Variants in C5 observed in about 807,000 individuals in gnomAD.
C5 encodes complement C5, also known as C3 and PZP-like alpha-2-macroglobulin domain-containing protein 4.
In C5, 140 loss-of-function variants were observed where a neutral mutation model predicts 218.8. The observed-to-expected ratio is 0.64, with a 90% CI of 0.56 to 0.74. C5 has a LOEUF of 0.74. C5 is among the 30% of genes least tolerant of loss of function. C5 has a pLI of 0.00. For missense variants in C5, 1,700 were observed against 1,969.6 expected, an observed-to-expected ratio of 0.86 and a Z score of 2.59; for synonymous variants, 614 against 682.3, an observed-to-expected ratio of 0.90 and a Z score of 1.56.
intron 20 of C5, chr9:121,000,050 CT>C: frequency 8.4e-6 from 2 of 236,884 alleles, no homozygotes; most frequent in Non-Finnish European, 1.6e-5. Flanking sequence ...CAGGGCGAGA[CT>C]CTGTCTCAAA....
In C5 at chr9:121,002,230, G is replaced by A. The variant is rs12554129; in HGVS notation, c.2562+3689C>T. Among the ~76,000 whole-genome samples the A allele has an allele frequency of 5.3e-4, 25 of 47,226 alleles. 1 individual carries two copies. The highest frequency in any genetic ancestry group is 1.3e-3 in the East Asian group (1 of 758). 31.0% of individuals were successfully genotyped at this position (47,226 alleles called of 152,430 possible). A position where few individuals can be genotyped will look rare whatever the true frequency, so the allele number is the denominator to read the frequency against. On this transcript the variant is annotated intron_variant, in intron 20 of 40. Transcript: ENST00000223642. ...TGTATATATACGTATATATATATAT[G>A]TATATATGTATATGTATATATATGT...
In C5 at chr9:121,014,090, A is replaced by G; in HGVS notation, c.2060-20T>C. The stretch of plus-strand genomic sequence containing the variant: ...TAGCAGCTGAAATGGTAATAATGCA[A>G]GTGCTCTTGATGACGCAGAGTGATA... On this transcript the variant is annotated intron_variant, in intron 16 of 40. Transcript: ENST00000223642. The G allele has an allele frequency of 6.2e-7, 1 of 1,603,788 alleles. No individual in the cohort carries two copies. Among genetic ancestry groups the G allele is most frequent in the Non-Finnish European group, 8.5e-7 (1 of 1,170,724 alleles).
chr9:120,955,119 C>G (rs1272819399), intron 39 of C5, among the ~76,000 whole-genome samples: 1 of 152,202 alleles, frequency 6.6e-6, no homozygotes, highest in Non-Finnish European at 1.5e-5. Flanking sequence ...TCCTTATCCT[C>G]AAACTACAGT....
chr9:120,953,938 T>A, intron 39 of C5, 70 bp from the exon 40 acceptor site: 1 of 1,551,500 alleles, frequency 6.4e-7, no homozygotes, highest in Non-Finnish European at 8.9e-7. Flanking sequence ...AACTCTCAAG[T>A]TTTCTGGTTC....
At chr9:120,995,436 A>G (rs981433372) in intron 22 of C5, among the ~76,000 whole-genome samples, 3 of 152,216 alleles carry the variant, frequency 2.0e-5, no homozygotes, top group African/African-American at 7.2e-5. Flanking sequence ...GCCTTGATTA[A>G]GTACTCAAAT....
At chr9:120,971,693 TC>T (rs1461743033) in intron 31 of C5, among the ~76,000 whole-genome samples, 1 of 152,182 alleles carries the variant, frequency 6.6e-6, no homozygotes, top group East Asian at 1.9e-4. Flanking sequence ...CGCCTAGGCC[TC>T]CCAAAGTGCT....
chr9:120,952,613 C>G lies in C5; in HGVS notation c.*126G>C, dbSNP rs2046752379. The G allele has an allele frequency of 1.1e-6, 1 of 929,930 alleles. No individual in the cohort carries two copies. 57.6% of individuals were successfully genotyped at this position (929,930 alleles called of 1,614,324 possible). ...CTAATAAAAGCAAGTGCCACTAATT[C>G]TAAGTAAAGTGAGCTTTACAAATAA... On this transcript the variant is annotated 3_prime_UTR_variant, in exon 41 of 41. Transcript: ENST00000223642.
chr9:120,997,032 CT>C (rs2047122749), intron 21 of C5, among the ~76,000 whole-genome samples: 1 of 151,928 alleles, frequency 6.6e-6, no homozygotes, highest in Non-Finnish European at 1.5e-5. Flanking sequence ...TACTTTTCTT[CT>C]TTTTTGGGAC....
At chr9:120,957,403 T>C (rs539870230) in intron 38 of C5, 35 bp from the exon 39 acceptor site, 1 of 1,484,310 alleles carries the variant, frequency 6.7e-7, no homozygotes, top group East Asian at 2.3e-5. Flanking sequence ...AACAATTCAG[T>C]CTTAATACTA....
intron 40 of C5, among the ~76,000 whole-genome samples, chr9:120,953,218 C>T (rs2075049): frequency 0.44 from 67,528 of 151,998 alleles, 17,821 homozygotes; most frequent in South Asian, 0.69. Context: ...GCCACCGTGC[C>T]CAGCCTGATT....
rs535154384 is a variant in C5, at chr9:120,962,989, C to T, written c.4324-22G>A. On this transcript the variant is annotated intron_variant, in intron 34 of 40. Transcript: ENST00000223642. The stretch of plus-strand genomic sequence containing the variant: ...CAAGCTAAGGGGGAAAAGAGAGAAG[C>T]TTGAATTTCATTTCATTATCTTTTT... The T allele has an allele frequency of 3.2e-6, 5 of 1,574,856 alleles. No individual in the cohort carries two copies. The East Asian group carries it at 9.0e-5, about 28-fold the overall frequency.
the C5 span, among the ~76,000 whole-genome samples, chr9:121,070,495 G>A: frequency 8.2e-5 from 12 of 147,176 alleles, no homozygotes; most frequent in Admixed American, 2.7e-4. Context: ...GTGTGTGTGC[G>A]TATTCATATA....
rs2047410595 is a variant in C5 at position 121,025,366 on chromosome 9, G to A, written c.1000+88C>T. The A allele has an allele frequency of 3.9e-6, 5 of 1,291,506 alleles. No homozygotes were observed. In the Admixed American group the frequency reaches 1.5e-4, roughly 39 times the overall value. 80.0% of individuals were successfully genotyped at this position (1,291,506 alleles called of 1,614,324 possible). A position where few individuals can be genotyped will look rare whatever the true frequency, so the allele number is the denominator to read the frequency against. On this transcript the variant is annotated intron_variant, in intron 9 of 40. Coordinates refer to ENST00000223642, the MANE Select transcript of C5 (RefSeq NM_001735.3). ...ACAATGTGAAATAATTATAGAAATTGGAAATTATTTATATCTTTAATATTC... is the reference window on the plus strand; with the variant it reads ...ACAATGTGAAATAATTATAGAAATTAGAAATTATTTATATCTTTAATATTC...
intron 28 of C5, among the ~76,000 whole-genome samples, chr9:120,977,496 C>T (rs1173648969): frequency 2.0e-5 from 3 of 152,040 alleles, no homozygotes; most frequent in Non-Finnish European, 4.4e-5. Flanking sequence ...CTTGCTGGCA[C>T]CCAGGCTGGA....
upstream of C5, among the ~76,000 whole-genome samples, chr9:121,050,601 G>C (rs41307964): frequency 4.6e-3 from 704 of 152,284 alleles, 4 homozygotes; most frequent in African/African-American, 0.016. Context: ...TGCATCATCT[G>C]CAAGCATACA....
the C5 span, among the ~76,000 whole-genome samples, chr9:121,055,634 A>C: frequency 6.6e-6 from 1 of 152,218 alleles, no homozygotes; most frequent in African/African-American, 2.4e-5. Context: ...CCTGGGTCAG[A>C]AGGGAATCCA....
Position 120,952,659 on chromosome 9 carries a change from A to T in C5, c.*80T>A. The T allele has an allele frequency of 6.8e-7, 1 of 1,465,984 alleles. No homozygotes were observed. The highest frequency in any genetic ancestry group is 9.5e-7 in the Non-Finnish European group (1 of 1,056,140). 90.8% of individuals were successfully genotyped at this position (1,465,984 alleles called of 1,614,324 possible). ...AATAAGACCAGCTATGAATGTTTAAAAAAAGAAGAAAACAAAAAAACGAAC... is the reference window on the plus strand; with the variant it reads ...AATAAGACCAGCTATGAATGTTTAATAAAAGAAGAAAACAAAAAAACGAAC... On this transcript the variant is annotated 3_prime_UTR_variant, in exon 41 of 41. Transcript: ENST00000223642.
chr9:121,068,111 T>C, the C5 span, among the ~76,000 whole-genome samples: 1 of 152,010 alleles, frequency 6.6e-6, no homozygotes, highest in Non-Finnish European at 1.5e-5. Context: ...CTAATCAACA[T>C]AGATTGGAAG....
At chr9:121,061,246 A>G in the C5 span, among the ~76,000 whole-genome samples, 1 of 152,174 alleles carries the variant, frequency 6.6e-6, no homozygotes, top group Non-Finnish European at 1.5e-5. Flanking sequence ...GGCCACTTAC[A>G]TAATTTGAGT....
Sources: allele counts gnomAD v4.1 joint callset (sites outside exome capture counted in the v4.1 genomes callset), GRCh38; gene constraint gnomAD v4.1.1; transcripts MANE v1.5; gene names NCBI Gene and HGNC (gene_info 2026-07-23, HGNC 2026-07-21).